Variants in LNPK observed in about 807,000 individuals in gnomAD.
LNPK encodes the protein lunapark, ER junction formation factor.
Under a neutral mutation model 55.2 loss-of-function variants are expected in LNPK, and 29 were observed. The observed-to-expected ratio is 0.53, with a 90% CI of 0.39 to 0.72. LNPK has a LOEUF of 0.72. Among genes scored for constraint, LNPK ranks in the 30% least tolerant of loss-of-function variants. The pLI, the probability that LNPK is intolerant of heterozygous loss-of-function variation, is 0.00. For synonymous variants in LNPK, 162 were observed against 168.2 expected, an observed-to-expected ratio of 0.96 and a Z score of 0.29; for missense variants, 467 against 494.8, an observed-to-expected ratio of 0.94 and a Z score of 0.53.
intron 12 of LNPK, among the ~76,000 whole-genome samples, chr2:175,936,761 A>G (rs142013454): frequency 1.0e-3 from 154 of 152,282 alleles, no homozygotes; most frequent in African/African-American, 3.3e-3. Context: ...CTGATAAATT[A>G]TTTCTCTAAA....
intron 2 of LNPK, among the ~76,000 whole-genome samples, chr2:175,994,700 A>G (rs1687852618): frequency 6.6e-6 from 1 of 151,724 alleles, no homozygotes; most frequent in Admixed American, 6.6e-5. Context: ...TTGTATTTTT[A>G]GTAGAGACGG....
At chr2:175,930,937 T>C (rs1684254605) in intron 12 of LNPK, among the ~76,000 whole-genome samples, 1 of 152,140 alleles carries the variant, frequency 6.6e-6, no homozygotes, top group Admixed American at 6.5e-5. Context: ...AATTTACTCC[T>C]TTTAAACTCT....
intron 9 of LNPK, among the ~76,000 whole-genome samples, chr2:175,943,148 A>AT (rs1336892584): frequency 1.3e-5 from 2 of 151,494 alleles, no homozygotes; most frequent in East Asian, 3.9e-4. Context: ...TTTGTTAGGA[A>AT]TTTTTGCCCC....
chr2:176,000,526 T>C (rs925516638), intron 1 of LNPK, among the ~76,000 whole-genome samples: 29 of 152,228 alleles, frequency 1.9e-4, no homozygotes, highest in African/African-American at 7.0e-4. Context: ...TGGAAAATTA[T>C]ATTAGTTTGT....
intron 2 of LNPK, 71 bp downstream of exon 2, chr2:175,995,487 C>T (rs1687887503): frequency 3.2e-6 from 4 of 1,231,164 alleles, no homozygotes; most frequent in East Asian, 2.4e-5. Context: ...TCAAAGGAGA[C>T]TTTCACAAAT....
intron 8 of LNPK, among the ~76,000 whole-genome samples, chr2:175,951,685 G>A (rs181812659): frequency 0.016 from 2,321 of 149,592 alleles, 31 homozygotes; most frequent in Non-Finnish European, 0.022. Flanking sequence ...GAATTGTGCT[G>A]CTATAAACAT....
intron 9 of LNPK, among the ~76,000 whole-genome samples, chr2:175,943,226 A>G (rs1375692563): frequency 6.8e-6 from 1 of 146,714 alleles, no homozygotes; most frequent in Non-Finnish European, 1.5e-5. Flanking sequence ...AAAAAAAAAA[A>G]CACCTTTTTC....
At chr2:175,932,024 A>T (rs1412835593) in intron 12 of LNPK, 1 of 373,080 alleles carries the variant, frequency 2.7e-6, no homozygotes, top group Non-Finnish European at 5.4e-6. Context: ...AGCCTTCTGA[A>T]ACAAACCAAT....
At chr2:175,938,524 A>G in intron 10 of LNPK, 141 bp from the exon 11 acceptor site, 1 of 441,806 alleles carries the variant, frequency 2.3e-6, no homozygotes. Flanking sequence ...TTAGTAAACA[A>G]CAAACAATAT....
At chr2:175,964,654 C>A (rs144765990) in intron 6 of LNPK, 65 bp from the exon 7 acceptor site, 13,711 of 864,134 alleles carry the variant, frequency 0.016, 354 homozygotes, top group South Asian at 0.07. Context: ...TGTATAAGTC[C>A]TATTCAAAAA....
intron 8 of LNPK, among the ~76,000 whole-genome samples, 190 bp downstream of exon 8, chr2:175,964,182 A>T (rs1686212340): frequency 6.6e-6 from 1 of 152,210 alleles, no homozygotes; most frequent in Non-Finnish European, 1.5e-5. Context: ...CTAACTTAAC[A>T]TATTCCCATA....
At chr2:175,979,361 C>G (rs1687062277) in intron 5 of LNPK, among the ~76,000 whole-genome samples, 1 of 152,036 alleles carries the variant, frequency 6.6e-6, no homozygotes, top group Non-Finnish European at 1.5e-5. Flanking sequence ...GAGTTCGAGA[C>G]CAGCCTGGGA....
intron 4 of LNPK, among the ~76,000 whole-genome samples, chr2:175,987,293 A>G (rs1687468150): frequency 6.6e-6 from 1 of 152,182 alleles, no homozygotes; most frequent in Admixed American, 6.5e-5. Context: ...ACAATGATAG[A>G]CTGGACTAAG....
intron 8 of LNPK, among the ~76,000 whole-genome samples, chr2:175,959,679 T>A (rs1475898339): frequency 6.6e-6 from 1 of 152,122 alleles, no homozygotes; most frequent in Non-Finnish European, 1.5e-5. Flanking sequence ...CCAGCTAACA[T>A]CATAACGACA....
rs1684129592 is a variant in LNPK, at chr2:175,928,707, GAA to G, written c.*1258_*1259del. On this transcript the variant is annotated 3_prime_UTR_variant, in exon 13 of 13. Transcript: ENST00000272748. ...GATTTCCATTTTTTTTAATATTGGAGAAGAGAGATAAAAGGAGGCCGTAACAG... is the reference window on the plus strand; with the variant it reads ...GATTTCCATTTTTTTTAATATTGGAGGAGAGATAAAAGGAGGCCGTAACAG... 1 of 151,840 alleles carries G rather than the reference GAA, an allele frequency of 6.6e-6. No individual in the cohort carries two copies. Among genetic ancestry groups the G allele is most frequent in the South Asian group, 2.1e-4 (1 of 4,812 alleles). The allele number at this position is 151,840 out of a possible 1,614,324, so 9.4% of individuals were successfully genotyped here. A position where few individuals can be genotyped will look rare whatever the true frequency, so the allele number is the denominator to read the frequency against.
At chr2:175,951,607 A>ATATATCTATCTATC (rs972901665) in intron 8 of LNPK, among the ~76,000 whole-genome samples, 1 of 121,722 alleles carries the variant, frequency 8.2e-6, no homozygotes, top group Admixed American at 8.2e-5. Context: ...ATATATATAT[A>ATATATCTATCTATC]TATCTCAGTT....
At chr2:175,961,057 G>A (rs916994384) in intron 8 of LNPK, among the ~76,000 whole-genome samples, 1 of 152,052 alleles carries the variant, frequency 6.6e-6, no homozygotes, top group Non-Finnish European at 1.5e-5. Context: ...CTGAAATTGA[G>A]GCAATAATAG....
intron 5 of LNPK, among the ~76,000 whole-genome samples, chr2:175,978,623 T>G (rs540943223): frequency 6.6e-6 from 1 of 152,184 alleles, no homozygotes; most frequent in Non-Finnish European, 1.5e-5. Flanking sequence ...ACTGGGGAAC[T>G]ATAATAGGAC....
intron 8 of LNPK, 44 bp downstream of exon 8, chr2:175,964,328 T>C (rs752656377): frequency 6.5e-7 from 1 of 1,538,878 alleles, no homozygotes; most frequent in Non-Finnish European, 9.0e-7. Flanking sequence ...TGGGTAATTA[T>C]GGATCTTTCC....
Sources: gnomAD v4.1 joint callset for allele counts (sites outside exome capture counted in the v4.1 genomes callset) on GRCh38, gnomAD v4.1.1 for gene constraint, MANE v1.5 for transcripts, NCBI Gene and HGNC (gene_info 2026-07-23, HGNC 2026-07-21) for gene names.